Variants in RBFOX3 observed in about 807,000 individuals in gnomAD.
RBFOX3 encodes the protein RNA binding protein fox-1 homolog 3.
Under a neutral mutation model 48.7 loss-of-function variants are expected in RBFOX3, and 17 were observed. That is an observed-to-expected ratio of 0.35 (90% confidence interval 0.24 to 0.52). RBFOX3 has a LOEUF of 0.52. RBFOX3 is among the 20% of genes least tolerant of loss of function. RBFOX3 has a pLI of 0.94. For synonymous variants in RBFOX3, 212 were observed against 209.5 expected (o/e 1.01, Z -0.10); for missense variants, 382 against 497.5 (o/e 0.77, Z 2.21).
intron 5 of RBFOX3, among the ~76,000 whole-genome samples, chr17:79,107,018 G>A (rs1293673265): frequency 6.6e-6 from 1 of 152,194 alleles, no homozygotes; most frequent in Non-Finnish European, 1.5e-5. Context: ...CGCCCAAACT[G>A]TGCAGGTGAG....
At chr17:79,394,181 A>G in intron 2 of RBFOX3, among the ~76,000 whole-genome samples, 1 of 152,220 alleles carries the variant, frequency 6.6e-6, no homozygotes, top group East Asian at 1.9e-4. Flanking sequence ...TCACACACAC[A>G]TCTGAGCCCT....
intron 1 of RBFOX3, among the ~76,000 whole-genome samples, chr17:79,500,149 A>G (rs1230423977): frequency 6.6e-6 from 1 of 152,132 alleles, no homozygotes; most frequent in Non-Finnish European, 1.5e-5. Context: ...AGACCAAGCC[A>G]GGAGCAGGGC....
At chr17:79,327,524 A>G (rs1422563080) in intron 2 of RBFOX3, among the ~76,000 whole-genome samples, 3 of 152,254 alleles carry the variant, frequency 2.0e-5, no homozygotes, top group Non-Finnish European at 4.4e-5. Context: ...GGATGAAATC[A>G]GGCTGCACCT....
In RBFOX3 at chr17:79,333,874, G is replaced by A. The variant is rs541905029; in HGVS notation, c.-174-26050C>T. Reference sequence around the variant, plus strand: ...CACATCCTCAAGAGGCATCATCCTGGGACCTTCCCCCTCTCCCAGATGCCG... The same window carrying A: ...CACATCCTCAAGAGGCATCATCCTGAGACCTTCCCCCTCTCCCAGATGCCG... On this transcript the variant is annotated intron_variant, in intron 2 of 14. Transcript: ENST00000693108. Among the ~76,000 whole-genome samples the A allele has an allele frequency of 2.8e-3, 423 of 152,106 alleles. 1 individual carries two copies. The highest frequency in any genetic ancestry group is 6.8e-3 in the Middle Eastern group (2 of 294).
At chr17:79,105,167 A>C (rs2077134768) in intron 6 of RBFOX3, among the ~76,000 whole-genome samples, 1 of 152,210 alleles carries the variant, frequency 6.6e-6, no homozygotes, top group South Asian at 2.1e-4. Context: ...GGGGTGCAGC[A>C]AGCCCCAGTG....
intron 1 of RBFOX3, among the ~76,000 whole-genome samples, chr17:79,519,223 G>A (rs1002795331): frequency 1.3e-5 from 2 of 152,230 alleles, no homozygotes; most frequent in African/African-American, 2.4e-5. Flanking sequence ...CGGCAGATGG[G>A]GCCATCCCTG....
chr17:79,495,871 T>C (rs1209546989), intron 1 of RBFOX3, among the ~76,000 whole-genome samples: 1 of 151,648 alleles, frequency 6.6e-6, no homozygotes, highest in Non-Finnish European at 1.5e-5. Flanking sequence ...CAGAGGCCCC[T>C]GTGGGCAGGG....
At chr17:79,305,495 G>A (rs530009341) in intron 3 of RBFOX3, among the ~76,000 whole-genome samples, 1 of 152,274 alleles carries the variant, frequency 6.6e-6, no homozygotes, top group African/African-American at 2.4e-5. Flanking sequence ...CCCAAGGCAG[G>A]GCAGAGCCCT....
intron 4 of RBFOX3, among the ~76,000 whole-genome samples, chr17:79,197,038 G>C (rs1450904539): frequency 6.6e-6 from 1 of 152,164 alleles, no homozygotes; most frequent in Non-Finnish European, 1.5e-5. Context: ...GGGCTGCTTG[G>C]TATCTGCCCG....
the RBFOX3 span, among the ~76,000 whole-genome samples, chr17:79,651,079 G>A: frequency 6.6e-6 from 1 of 152,212 alleles, no homozygotes; most frequent in African/African-American, 2.4e-5. Flanking sequence ...CTGCAGGGTT[G>A]AGTTCCAAAC....
rs1191638376 is a variant in RBFOX3, at chr17:79,498,237, G to A, written c.-319-15639C>T. On this transcript the variant is annotated intron_variant, in intron 1 of 14. Transcript: ENST00000693108. ...TCCCGCCATGACATCTGCCTTCATA[G>A]GAACTCGTTTTCCTTTTGCGCTCCT... 5.9e-5 allele frequency among the ~76,000 whole-genome samples: 9 copies of A among 152,276 alleles called. No individual in the cohort carries two copies. The East Asian group carries it at 1.7e-3, about 29-fold the overall frequency.
chr17:79,466,868 C>T (rs943139946), intron 2 of RBFOX3, among the ~76,000 whole-genome samples: 1 of 152,074 alleles, frequency 6.6e-6, no homozygotes, highest in Non-Finnish European at 1.5e-5. Flanking sequence ...GCAGCCCACA[C>T]GACCAGGTGT....
chr17:79,170,598 C>A (rs1473736881), intron 4 of RBFOX3, among the ~76,000 whole-genome samples: 3 of 152,092 alleles, frequency 2.0e-5, no homozygotes, highest in Non-Finnish European at 4.4e-5. Context: ...GTCCGTTAGG[C>A]CTCCCAGGTA....
At chr17:79,140,054 G>A (rs531471739) in intron 4 of RBFOX3, among the ~76,000 whole-genome samples, 8 of 152,306 alleles carry the variant, frequency 5.3e-5, no homozygotes, top group South Asian at 2.1e-4. Flanking sequence ...AGGCCACCCC[G>A]CCCTGTGGCT....
chr17:79,322,621 G>C (rs1055706025), intron 2 of RBFOX3, among the ~76,000 whole-genome samples: 1 of 152,190 alleles, frequency 6.6e-6, no homozygotes, highest in African/African-American at 2.4e-5. Context: ...AAGGGAGGGG[G>C]TACAGAGGAG....
intron 4 of RBFOX3, among the ~76,000 whole-genome samples, chr17:79,192,077 CCCCTACCGTCTCCT>C (rs2054630607): frequency 6.6e-6 from 1 of 152,104 alleles, no homozygotes; most frequent in South Asian, 2.1e-4. Flanking sequence ...CCCTGCCAAC[CCCCTACCGTCTCCT>C]CCCTCTTGAT....
At chr17:79,458,523 G>A (rs782395590) in intron 2 of RBFOX3, among the ~76,000 whole-genome samples, 5 of 152,098 alleles carry the variant, frequency 3.3e-5, no homozygotes, top group African/African-American at 4.8e-5. Context: ...GTGCAGCATC[G>A]TGCGACCATC....
chr17:79,262,109 G>A (rs2065883036), intron 3 of RBFOX3, among the ~76,000 whole-genome samples: 1 of 152,212 alleles, frequency 6.6e-6, no homozygotes, highest in Admixed American at 6.5e-5. Context: ...TTCTCTGCCT[G>A]GGCTGTATGT....
At chr17:79,663,608 A>G in the RBFOX3 span, among the ~76,000 whole-genome samples, 1 of 152,200 alleles carries the variant, frequency 6.6e-6, no homozygotes, top group Non-Finnish European at 1.5e-5. Flanking sequence ...CAAAATATTG[A>G]CACAGCTCTA....
Sources: allele counts gnomAD v4.1 joint callset (sites outside exome capture counted in the v4.1 genomes callset), GRCh38; gene constraint gnomAD v4.1.1; transcripts MANE v1.5; gene names NCBI Gene and HGNC (gene_info 2026-07-23, HGNC 2026-07-21).